CFAP54: variants seen among roughly 807,000 people sequenced by gnomAD.
The protein encoded by CFAP54 is cilia and flagella associated protein 54, also known as cilia- and flagella-associated protein 54.
Under a neutral mutation model 370.4 loss-of-function variants are expected in CFAP54, and 290 were observed. That is an observed-to-expected ratio of 0.78 (90% CI 0.71 to 0.86). The LOEUF (loss-of-function observed/expected upper bound fraction) is 0.86, where lower values mean the gene tolerates loss of function less well. CFAP54 is among the 40% of genes least tolerant of loss of function. The pLI, the probability that CFAP54 is intolerant of heterozygous loss-of-function variation, is 0.00. For synonymous variants in CFAP54, 1,206 were observed against 1,236.5 expected, an observed-to-expected ratio of 0.98 and a Z score of 0.52; for missense variants, 3,399 against 3,528.7, an observed-to-expected ratio of 0.96 and a Z score of 0.93.
chr12:96,804,967 C>G (rs558234292), intron 63 of CFAP54, among the ~76,000 whole-genome samples: 1 of 152,160 alleles, frequency 6.6e-6, no homozygotes, highest in East Asian at 1.9e-4. Flanking sequence ...TGGTCTTTGA[C>G]AAAGTTAACA....
At chr12:96,766,252 AT>A (rs921161980) in intron 60 of CFAP54, among the ~76,000 whole-genome samples, 6 of 151,518 alleles carry the variant, frequency 4.0e-5, no homozygotes, top group Admixed American at 4.0e-4. Flanking sequence ...TATTTTATAG[AT>A]TTTTTTTTAC....
At chr12:96,824,366 G>A (rs1241561479) in intron 65 of CFAP54, among the ~76,000 whole-genome samples, 1 of 152,164 alleles carries the variant, frequency 6.6e-6, no homozygotes, top group Non-Finnish European at 1.5e-5. Context: ...GCAGGGCAAG[G>A]CGTTTTTCAG....
At chr12:96,684,946 G>C in intron 41 of CFAP54, 83 bp from the exon 42 acceptor site, 7 of 1,325,666 alleles carry the variant, frequency 5.3e-6, no homozygotes, top group South Asian at 2.5e-5. Context: ...CGTTGCTTCG[G>C]TGTATTTGCT....
intron 23 of CFAP54, among the ~76,000 whole-genome samples, chr12:96,591,127 T>C (rs1291321205): frequency 6.6e-6 from 1 of 152,052 alleles, no homozygotes; most frequent in Non-Finnish European, 1.5e-5. Context: ...TCCAAGAAAG[T>C]GCATTGCTAG....
intron 12 of CFAP54, among the ~76,000 whole-genome samples, chr12:96,537,618 A>T (rs1276158221): frequency 6.6e-6 from 1 of 152,158 alleles, no homozygotes; most frequent in South Asian, 2.1e-4. Flanking sequence ...CTGGGATTAT[A>T]GGTCTGAGCC....
intron 50 of CFAP54, among the ~76,000 whole-genome samples, chr12:96,722,342 G>A (rs1397740522): frequency 6.6e-6 from 1 of 152,306 alleles, no homozygotes; most frequent in Middle Eastern, 3.4e-3. Context: ...CTTCATTGAT[G>A]AGGTGACATC....
intron 30 of CFAP54, among the ~76,000 whole-genome samples, chr12:96,628,953 G>GA (rs533511285): frequency 2.2e-4 from 33 of 152,078 alleles, no homozygotes; most frequent in Admixed American, 2.0e-3. Flanking sequence ...GAAATTTCAG[G>GA]AAAAATAGGC....
chr12:96,813,152 A>G (rs138259526), intron 64 of CFAP54, among the ~76,000 whole-genome samples: 1 of 152,312 alleles, frequency 6.6e-6, no homozygotes, highest in Non-Finnish European at 1.5e-5. Flanking sequence ...AAGTCATCAA[A>G]CTGATAAGCT....
chr12:96,544,230 C>A (rs869124328), intron 14 of CFAP54, among the ~76,000 whole-genome samples: 2 of 152,046 alleles, frequency 1.3e-5, no homozygotes, highest in Non-Finnish European at 2.9e-5. Flanking sequence ...TCATGACTCC[C>A]TAGTTCTTAT....
intron 17 of CFAP54, among the ~76,000 whole-genome samples, chr12:96,559,197 CA>C (rs1238924735): frequency 6.6e-6 from 1 of 152,044 alleles, no homozygotes; most frequent in Non-Finnish European, 1.5e-5. Context: ...GCCTGGGTGA[CA>C]GGGCGAGGCT....
chr12:96,704,474 A>G (rs1440478664), intron 46 of CFAP54, among the ~76,000 whole-genome samples: 6 of 98,812 alleles, frequency 6.1e-5, no homozygotes, highest in South Asian at 6.4e-4. Flanking sequence ...ATATATATAT[A>G]TATATATATA....
intron 17 of CFAP54, among the ~76,000 whole-genome samples, chr12:96,557,436 G>A (rs1490610702): frequency 6.6e-6 from 1 of 152,090 alleles, no homozygotes; most frequent in Non-Finnish European, 1.5e-5. Context: ...TCACTCATAG[G>A]TACATACCCT....
At chr12:96,819,514 C>G (rs1328611737) in intron 65 of CFAP54, among the ~76,000 whole-genome samples, 1 of 152,114 alleles carries the variant, frequency 6.6e-6, no homozygotes, top group East Asian at 1.9e-4. Flanking sequence ...TATTGATTCC[C>G]TGTCTGATAT....
Position 96,801,943 on chromosome 12 carries a change from G to T in CFAP54, c.8850+9444G>T, listed in dbSNP as rs147708150. ...ATGCATATCTAGGATAATACTCACT[G>T]CCCTCCAATGGGCTGCTGTGAAACT... On this transcript the variant is annotated intron_variant, in intron 63 of 67. Coordinates refer to ENST00000524981, the MANE Select transcript of CFAP54 (RefSeq NM_001306084.2). Among the ~76,000 whole-genome samples the T allele has an allele frequency of 2.6e-3, 394 of 152,198 alleles. 1 individual carries two copies. The highest frequency in any genetic ancestry group is 9.2e-3 in the African/African-American group (382 of 41,518).
chr12:96,490,759 G>A (rs1954873499), intron 1 of CFAP54, among the ~76,000 whole-genome samples: 1 of 151,398 alleles, frequency 6.6e-6, no homozygotes, highest in African/African-American at 2.4e-5. Context: ...ACTATTTATT[G>A]AGCACATACT....
intron 26 of CFAP54, among the ~76,000 whole-genome samples, chr12:96,604,234 G>T (rs989042835): frequency 3.3e-5 from 5 of 152,284 alleles, no homozygotes; most frequent in African/African-American, 9.6e-5. Flanking sequence ...GTTGGAGTTT[G>T]CTGGAGGTCC....
intron 19 of CFAP54, among the ~76,000 whole-genome samples, chr12:96,566,655 A>G (rs1166702476): frequency 6.6e-6 from 1 of 152,160 alleles, no homozygotes; most frequent in Non-Finnish European, 1.5e-5. Flanking sequence ...CCAGAAAATG[A>G]GGGTCTGAGG....
chr12:96,738,068 T>G (rs142365542), intron 50 of CFAP54, among the ~76,000 whole-genome samples: 12 of 152,226 alleles, frequency 7.9e-5, no homozygotes, highest in African/African-American at 2.9e-4. Flanking sequence ...GAAAACTGGT[T>G]AGGAAGCTAC....
At chr12:96,696,515 G>T (rs1052910932) in intron 45 of CFAP54, among the ~76,000 whole-genome samples, 1 of 152,100 alleles carries the variant, frequency 6.6e-6, no homozygotes, top group Non-Finnish European at 1.5e-5. Context: ...TTAGCACTTG[G>T]TAGCTGTTTT....
Sources: gnomAD v4.1 joint callset for allele counts (sites outside exome capture counted in the v4.1 genomes callset) on GRCh38, gnomAD v4.1.1 for gene constraint, MANE v1.5 for transcripts, NCBI Gene and HGNC (gene_info 2026-07-23, HGNC 2026-07-21) for gene names.